Variants in MAPRE2 observed in about 807,000 individuals in gnomAD.
The protein encoded by MAPRE2 is microtubule associated protein RP/EB family member 2.
MAPRE2 carries 13 observed loss-of-function variants against 43.2 expected under a neutral mutation model. That is an observed-to-expected ratio of 0.30 (90% CI 0.20 to 0.48). The LOEUF is 0.48. Among genes scored for constraint, MAPRE2 ranks in the 20% least tolerant of loss-of-function variants. The pLI is 0.99. For missense variants in MAPRE2, 161 were observed against 400.2 expected, an observed-to-expected ratio of 0.40 and a Z score of 5.10; for synonymous variants, 135 against 148.8, an observed-to-expected ratio of 0.91 and a Z score of 0.68.
chr18:34,980,037 T>TC (rs1380101782), intron 1 of MAPRE2, among the ~76,000 whole-genome samples: 4 of 23,494 alleles, frequency 1.7e-4, no homozygotes, highest in Non-Finnish European at 3.9e-4. Flanking sequence ...TTTTCTTTTT[T>TC]TTTTTTTTTT....
At chr18:35,038,411 T>G (rs752028155), upstream of MAPRE2, among the ~76,000 whole-genome samples, 1 of 152,226 alleles carries the variant, frequency 6.6e-6, no homozygotes, top group Non-Finnish European at 1.5e-5. Flanking sequence ...ACACCTTGCT[T>G]GGTGTTGGGG....
chr18:35,015,192 G>T (rs2097037387), intron 2 of MAPRE2, among the ~76,000 whole-genome samples: 2 of 152,124 alleles, frequency 1.3e-5, no homozygotes, highest in African/African-American at 4.8e-5. Context: ...ACAAGTTGGT[G>T]ATAGCCTAGG....
intron 2 of MAPRE2, among the ~76,000 whole-genome samples, chr18:35,018,507 G>T (rs1320245169): frequency 6.6e-6 from 1 of 150,428 alleles, no homozygotes; most frequent in African/African-American, 2.4e-5. Flanking sequence ...TTTGGAACTT[G>T]ATATTGGTCT....
chr18:35,093,444 A>G (rs1278669360), intron 2 of MAPRE2, among the ~76,000 whole-genome samples: 1 of 152,186 alleles, frequency 6.6e-6, no homozygotes. Context: ...TTAAATCAGT[A>G]TGCCCAAGAG....
intron 2 of MAPRE2, among the ~76,000 whole-genome samples, chr18:35,091,227 C>G (rs1908133429): frequency 6.6e-6 from 1 of 152,234 alleles, no homozygotes; most frequent in Admixed American, 6.5e-5. Context: ...CACACCTAAT[C>G]TCATGTGACA....
At chr18:35,063,367 A>G (rs1603396396) in intron 1 of MAPRE2, among the ~76,000 whole-genome samples, 1 of 152,000 alleles carries the variant, frequency 6.6e-6, no homozygotes. Flanking sequence ...TTGTCCTCCC[A>G]AAGTGCTGGG....
chr18:35,100,099 ACACT>A (rs1479171845), intron 3 of MAPRE2, among the ~76,000 whole-genome samples: 1 of 152,194 alleles, frequency 6.6e-6, no homozygotes, highest in Non-Finnish European at 1.5e-5. Context: ...ACATGCTTAC[ACACT>A]CACACACATT....
chr18:35,134,147 A>G (rs1311844775), intron 6 of MAPRE2, among the ~76,000 whole-genome samples: 1 of 152,202 alleles, frequency 6.6e-6, no homozygotes, highest in Non-Finnish European at 1.5e-5. Flanking sequence ...TTCTCTAGAG[A>G]ATCCTATTAG....
intron 2 of MAPRE2, among the ~76,000 whole-genome samples, chr18:35,082,887 C>T (rs1324551363): frequency 6.6e-6 from 1 of 152,072 alleles, no homozygotes; most frequent in East Asian, 1.9e-4. Context: ...CTAGGCCATA[C>T]AGTTTAGCAC....
At chr18:35,039,527 C>T (rs1249315990), upstream of MAPRE2, among the ~76,000 whole-genome samples, 1 of 152,150 alleles carries the variant, frequency 6.6e-6, no homozygotes, top group Non-Finnish European at 1.5e-5. Flanking sequence ...TGTGGACTAA[C>T]TGGAGAAGCA....
At chr18:34,985,471 AAT>A (rs2097019888) in intron 1 of MAPRE2, among the ~76,000 whole-genome samples, 1 of 43,438 alleles carries the variant, frequency 2.3e-5, no homozygotes, top group Non-Finnish European at 3.9e-5. Flanking sequence ...TATATTATAT[AAT>A]ATATAATATA....
intron 1 of MAPRE2, among the ~76,000 whole-genome samples, chr18:35,000,184 G>A (rs1434079777): frequency 3.3e-5 from 5 of 152,148 alleles, no homozygotes; most frequent in Non-Finnish European, 5.9e-5. Context: ...AGACAGCTTA[G>A]TAAACTCCCT....
intron 1 of MAPRE2, among the ~76,000 whole-genome samples, chr18:35,069,229 A>G (rs950636285): frequency 1.3e-5 from 2 of 152,214 alleles, no homozygotes; most frequent in Admixed American, 1.3e-4. Context: ...AAACTTTATA[A>G]AGAAATTTAA....
At chr18:35,029,267 A>C (rs2097046670) in intron 2 of MAPRE2, among the ~76,000 whole-genome samples, 1 of 152,148 alleles carries the variant, frequency 6.6e-6, no homozygotes, top group Non-Finnish European at 1.5e-5. Context: ...GAAAATGAGG[A>C]ATTTCTCTTC....
At chr18:35,106,688 C>T (rs1908923933) in intron 4 of MAPRE2, among the ~76,000 whole-genome samples, 1 of 152,062 alleles carries the variant, frequency 6.6e-6, no homozygotes, top group Non-Finnish European at 1.5e-5. Context: ...AATAGTTTGG[C>T]TGTGGCTTCT....
In MAPRE2 at chr18:35,022,776, G is replaced by A. The variant is rs1259481024; in HGVS notation, c.-8+17223G>A. On this transcript the variant is annotated intron_variant, in intron 2 of 7. Transcript: ENST00000413393. ...GTCATTTTTATAAAGAAAACACAAT[G>A]AGAAAACCATACAAATTCAAAGTAG... 2.0e-5 allele frequency among the ~76,000 whole-genome samples: 3 copies of A among 152,266 alleles called. No individual in the cohort carries two copies. In the East Asian group the frequency reaches 5.8e-4, roughly 29 times the overall value.
chr18:35,001,150 C>T (rs2097029115), intron 1 of MAPRE2, among the ~76,000 whole-genome samples: 1 of 152,082 alleles, frequency 6.6e-6, no homozygotes, highest in Non-Finnish European at 1.5e-5. Context: ...TAAATGTGGA[C>T]ATTTTATAAG....
At chr18:35,112,057 G>A (rs984918807) in intron 4 of MAPRE2, among the ~76,000 whole-genome samples, 14 of 152,156 alleles carry the variant, frequency 9.2e-5, no homozygotes, top group African/African-American at 3.4e-4. Flanking sequence ...TAGAAATCAT[G>A]TAATAATACA....
At chr18:35,038,579 C>T (rs1443243302), upstream of MAPRE2, among the ~76,000 whole-genome samples, 1 of 152,154 alleles carries the variant, frequency 6.6e-6, no homozygotes, top group African/African-American at 2.4e-5. Flanking sequence ...CTTGCTCTGC[C>T]TTCATCCATT....
Sources: gnomAD v4.1 joint callset for allele counts (sites outside exome capture counted in the v4.1 genomes callset) on GRCh38, gnomAD v4.1.1 for gene constraint, MANE v1.5 for transcripts, NCBI Gene and HGNC (gene_info 2026-07-23, HGNC 2026-07-21) for gene names.